Variants in THOC1 observed in about 807,000 individuals in gnomAD.
THOC1 encodes the protein THO complex subunit 1.
Under a neutral mutation model 97.3 loss-of-function variants are expected in THOC1, and 29 were observed. The observed-to-expected ratio is 0.30, with a 90% CI of 0.22 to 0.41. The LOEUF (loss-of-function observed/expected upper bound fraction) is 0.41. Ranked by LOEUF, THOC1 falls within the 10% of genes least tolerant of loss-of-function variation. THOC1 has a pLI of 1.00. For missense variants in THOC1, 529 were observed against 761.9 expected (o/e 0.69, Z 3.60); for synonymous variants, 255 against 257.0 (o/e 0.99, Z 0.07).
intron 11 of THOC1, among the ~76,000 whole-genome samples, chr18:234,183 C>A (rs1487805682): frequency 6.6e-6 from 1 of 152,192 alleles, no homozygotes; most frequent in African/African-American, 2.4e-5. Flanking sequence ...TCTTGGTTCT[C>A]TTGGACTTTT....
At chr18:236,748 T>C (rs918252680) in intron 11 of THOC1, among the ~76,000 whole-genome samples, 3 of 152,154 alleles carry the variant, frequency 2.0e-5, no homozygotes, top group African/African-American at 7.2e-5. Context: ...ATTTGGTACA[T>C]GGGACGCTCA....
chr18:222,598 C>T (rs1911130242), intron 17 of THOC1, among the ~76,000 whole-genome samples: 1 of 152,050 alleles, frequency 6.6e-6, no homozygotes, highest in African/African-American at 2.4e-5. Flanking sequence ...GAAAGCAATA[C>T]AGAAGGAGCA....
chr18:254,445 C>T lies in THOC1; in HGVS notation c.521-90G>A. Reference sequence around the variant, plus strand: ...GTGTCATAATCAAAACTACAAAATGCCAAATCCATAAAGAGCAGTCAAAAT... The same window carrying T: ...GTGTCATAATCAAAACTACAAAATGTCAAATCCATAAAGAGCAGTCAAAAT... On this transcript the variant is annotated intron_variant, in intron 7 of 20. Transcript: ENST00000261600. This position sits in a 1 kb window ranked among gnomAD's most constrained non-coding sequence, Gnocchi z 4.1. 1.3e-6 allele frequency: 1 copy of T among 777,640 alleles called. No individual in the cohort carries two copies. Among genetic ancestry groups the T allele is most frequent in the East Asian group, 2.7e-5 (1 of 36,916 alleles). The allele number at this position is 777,640 out of a possible 1,614,324, so 48.2% of individuals were successfully genotyped here.
At chr18:236,910 T>G (rs1393348785) in intron 11 of THOC1, among the ~76,000 whole-genome samples, 1 of 152,106 alleles carries the variant, frequency 6.6e-6, no homozygotes, top group Admixed American at 6.5e-5. Flanking sequence ...GCCTAATAAT[T>G]TAATAATTTT....
At chr18:266,940 C>T (rs1427877478) in intron 1 of THOC1, among the ~76,000 whole-genome samples, 1 of 151,842 alleles carries the variant, frequency 6.6e-6, no homozygotes, top group African/African-American at 2.4e-5. Flanking sequence ...TGATGACATA[C>T]ACAAAATATA....
chr18:260,053 A>G, intron 5 of THOC1, 133 bp downstream of exon 5: 4 of 597,198 alleles, frequency 6.7e-6, no homozygotes, highest in Non-Finnish European at 1.1e-5. Context: ...AGAGCAGTAT[A>G]TAATTTTTTC....
intron 17 of THOC1, among the ~76,000 whole-genome samples, chr18:221,643 C>G (rs186056728): frequency 0.029 from 3,697 of 126,278 alleles, 67 homozygotes; most frequent in Middle Eastern, 0.083. Context: ...GAGTCTCGCT[C>G]TGTCGCCCAG....
In THOC1 at chr18:254,132, G is replaced by A. The variant is rs1912365971; in HGVS notation, c.603+141C>T. On this transcript the variant is annotated intron_variant, in intron 8 of 20. Coordinates refer to ENST00000261600, the MANE Select transcript of THOC1 (RefSeq NM_005131.3). The surrounding 1 kb of genome is among the most constrained non-coding windows in gnomAD (Gnocchi z 4.1). ...TTGCCATGTTGTCCAGGCTGGTCTT[G>A]AACTCCTAGGCTCAAGCGATCTGCC... 4 of 614,054 alleles carry A rather than the reference G, an allele frequency of 6.5e-6. No individual in the cohort carries two copies. The highest frequency in any genetic ancestry group is 5.3e-5 in the Admixed American group (2 of 37,784). The allele number at this position is 614,054 out of a possible 1,614,324, so 38.0% of individuals were successfully genotyped here. A position where few individuals can be genotyped will look rare whatever the true frequency, so the allele number is the denominator to read the frequency against.
chr18:239,409 A>G (rs2143224570), intron 11 of THOC1, among the ~76,000 whole-genome samples: 1 of 152,182 alleles, frequency 6.6e-6, no homozygotes, highest in Admixed American at 6.5e-5. Flanking sequence ...GGTTTACGCA[A>G]TTCTCCTACC....
At chr18:251,942 A>T (rs1912292456) in intron 9 of THOC1, among the ~76,000 whole-genome samples, 1 of 152,202 alleles carries the variant, frequency 6.6e-6, no homozygotes, top group Non-Finnish European at 1.5e-5. Flanking sequence ...AAGCATTTTG[A>T]TCTTTATCTA....
chr18:216,379 ATCACTGGTTTTTCACATGATTAAG>A (rs1910891106), intron 19 of THOC1, 83 bp downstream of exon 19: 1 of 1,222,194 alleles, frequency 8.2e-7, no homozygotes, highest in African/African-American at 1.5e-5. Flanking sequence ...GAGCTTGTGG[ATCACTGGTTTTTCACATGATTAAG>A]TCAGTTTTTT....
chr18:228,419 CTT>C (rs1305874784), intron 11 of THOC1, among the ~76,000 whole-genome samples: 1 of 151,940 alleles, frequency 6.6e-6, no homozygotes, highest in African/African-American at 2.4e-5. Context: ...GGTCAGCAAA[CTT>C]TTTCCTGAAG....
intron 17 of THOC1, among the ~76,000 whole-genome samples, chr18:222,424 G>GT (rs1171578521): frequency 6.6e-6 from 1 of 152,120 alleles, no homozygotes; most frequent in African/African-American, 2.4e-5. Flanking sequence ...AACCACAACT[G>GT]TTTAACTTGT....
chr18:267,910 G>A, intron 1 of THOC1, 56 bp downstream of exon 1: 2 of 1,529,844 alleles, frequency 1.3e-6, no homozygotes, highest in South Asian at 1.2e-5. Context: ...ATTTCAGGGA[G>A]AAGAGGACAA....
Position 242,274 on chromosome 18 carries a change from C to T in THOC1, c.918+4050G>A, listed in dbSNP as rs753466173. ...GGCAGATCACCTGAGGCTGCGAGTT[C>T]GAGACCAGCCTGGCCAACATGGCAA... On this transcript the variant is annotated intron_variant, in intron 11 of 20. Coordinates refer to ENST00000261600, the MANE Select transcript of THOC1 (RefSeq NM_005131.3). This position sits in a 1 kb window ranked among gnomAD's most constrained non-coding sequence, Gnocchi z 4.5. Among the ~76,000 whole-genome samples, 3 of 151,738 alleles carry T rather than the reference C, an allele frequency of 2.0e-5. No individual in the cohort carries two copies. The highest frequency in any genetic ancestry group is 2.4e-5 in the African/African-American group (1 of 41,124).
At chr18:265,928 C>G (rs1464548433) in intron 1 of THOC1, among the ~76,000 whole-genome samples, 1 of 152,150 alleles carries the variant, frequency 6.6e-6, no homozygotes, top group Non-Finnish European at 1.5e-5. Context: ...CCCAATACTC[C>G]CTAACACATA....
chr18:257,801 TAAG>T (rs1912482291), intron 7 of THOC1, among the ~76,000 whole-genome samples: 1 of 151,658 alleles, frequency 6.6e-6, no homozygotes, highest in African/African-American at 2.4e-5. Flanking sequence ...AAACAATTCT[TAAG>T]AAATTATTCA....
chr18:259,918 TACTA>T, intron 5 of THOC1, 188 bp from the exon 6 acceptor site: 1 of 549,834 alleles, frequency 1.8e-6, no homozygotes, highest in Non-Finnish European at 3.2e-6. Context: ...GAAAACATGA[TACTA>T]AGTAACTGTT....
chr18:253,343 G>A lies in THOC1; in HGVS notation c.604-731C>T, dbSNP rs1247048616. Among the ~76,000 whole-genome samples, 3 of 152,288 alleles carry A rather than the reference G, an allele frequency of 2.0e-5. No individual in the cohort carries two copies. In the East Asian group the frequency reaches 5.8e-4, roughly 29 times the overall value. ...ACTGATGCAATATTATACACTACTA[G>A]ACACTGTAACATTGTTTTTCACTAT... On this transcript the variant is annotated intron_variant, in intron 8 of 20. Coordinates refer to ENST00000261600, the MANE Select transcript of THOC1 (RefSeq NM_005131.3).
Sources: gnomAD v4.1 joint callset for allele counts (sites outside exome capture counted in the v4.1 genomes callset) on GRCh38, gnomAD v4.1.1 for gene constraint, Gnocchi (gnomAD v3.1) non-coding constraint, MANE v1.5 for transcripts, NCBI Gene and HGNC (gene_info 2026-07-23, HGNC 2026-07-21) for gene names.